The following ST18 variants were observed in gnomAD, a reference collection of about 807,000 sequenced individuals.
ST18 encodes the protein suppression of tumorigenicity 18 protein.
In ST18, 50 loss-of-function variants were observed where a neutral mutation model predicts 110.0. That is an observed-to-expected ratio of 0.45 (90% CI 0.36 to 0.58). ST18 has a LOEUF of 0.58. Among genes scored for constraint, ST18 ranks in the 20% least tolerant of loss-of-function variants. The pLI is 0.00. For synonymous variants in ST18, 461 were observed against 452.4 expected (o/e 1.02, Z -0.24); for missense variants, 1,306 against 1,280.1 (o/e 1.02, Z -0.31).
In ST18 at chr8:52,181,144, G is replaced by A. The variant is rs2069334528; in HGVS notation, c.87-832C>T. On this transcript the variant is annotated intron_variant, in intron 8 of 25. Transcript: ENST00000689386. The stretch of plus-strand genomic sequence containing the variant: ...CTCTTGGCAAGATCCATGAAAATCA[G>A]AGGGTTTGGCCAACTGCGAGTCTAT... 1.3e-5 allele frequency among the ~76,000 whole-genome samples: 2 copies of A among 152,194 alleles called. 1 individual carries two copies. The highest frequency in any genetic ancestry group is 4.1e-4 in the South Asian group (2 of 4,830).
intron 2 of ST18, among the ~76,000 whole-genome samples, chr8:52,361,112 A>G (rs1389024777): frequency 6.6e-6 from 1 of 152,182 alleles, no homozygotes; most frequent in Non-Finnish European, 1.5e-5. Flanking sequence ...GTCTCAAAAT[A>G]TTTCACCGTA....
At chr8:52,378,328 T>C (rs1206131134) in intron 2 of ST18, among the ~76,000 whole-genome samples, 2 of 152,216 alleles carry the variant, frequency 1.3e-5, no homozygotes, top group African/African-American at 2.4e-5. Flanking sequence ...CCATTACCTC[T>C]ATGTCTGTAT....
intron 2 of ST18, chr8:52,407,783 C>G (rs533647927): frequency 1.1e-4 from 16 of 152,248 alleles, no homozygotes; most frequent in African/African-American, 3.9e-4. Context: ...TCGGAGAGTT[C>G]ATTGCTCTGC....
At chr8:52,149,163 C>A (rs1037107283) in intron 16 of ST18, among the ~76,000 whole-genome samples, 5 of 152,174 alleles carry the variant, frequency 3.3e-5, no homozygotes, top group African/African-American at 1.2e-4. Context: ...GCTTTCAGGG[C>A]CAAAACCACC....
chr8:52,159,110 C>T lies in ST18; in HGVS notation c.1595-1G>A. The T allele has an allele frequency of 1.2e-6, 2 of 1,613,266 alleles. No homozygotes were observed. Among genetic ancestry groups the T allele is most frequent in the Non-Finnish European group, 1.7e-6 (2 of 1,179,828 alleles). ...TTCACTGGATTTGGAAAATGCTTTG[C>T]TGTTGAAGAGAGATTTGATTAGCAA... On this transcript the variant is annotated splice_acceptor_variant, in intron 14 of 25. Coordinates refer to ENST00000689386, the MANE Select transcript of ST18 (RefSeq NM_001352837.2). LOFTEE classifies it high-confidence loss of function.
chr8:52,282,081 C>G (rs977350534), intron 2 of ST18, among the ~76,000 whole-genome samples: 25 of 152,150 alleles, frequency 1.6e-4, no homozygotes, highest in Admixed American at 4.6e-4. Context: ...TCTGGAACTT[C>G]TTTTTCCAGA....
At chr8:52,347,970 T>C (rs1336437144) in intron 2 of ST18, among the ~76,000 whole-genome samples, 1 of 152,198 alleles carries the variant, frequency 6.6e-6, no homozygotes, top group Non-Finnish European at 1.5e-5. Flanking sequence ...TATATTTAAA[T>C]ATAGATGTGT....
intron 9 of ST18, among the ~76,000 whole-genome samples, chr8:52,175,737 A>G (rs1171564189): frequency 6.6e-6 from 1 of 152,136 alleles, no homozygotes; most frequent in Non-Finnish European, 1.5e-5. Context: ...CAGAAGGGAA[A>G]CTACAATTCT....
intron 10 of ST18, among the ~76,000 whole-genome samples, chr8:52,171,323 C>CCAGTG (rs1429074782): frequency 6.6e-6 from 1 of 152,162 alleles, no homozygotes; most frequent in Non-Finnish European, 1.5e-5. Flanking sequence ...AGTTAGAAAG[C>CCAGTG]CAGTGAAAGC....
intron 18 of ST18, among the ~76,000 whole-genome samples, chr8:52,136,890 A>C (rs2052621153): frequency 6.6e-6 from 1 of 152,156 alleles, no homozygotes; most frequent in Non-Finnish European, 1.5e-5. Context: ...ACTTTAGCCC[A>C]ATGAGACCCC....
intron 8 of ST18, among the ~76,000 whole-genome samples, chr8:52,205,780 C>A (rs1186010884): frequency 6.6e-6 from 1 of 152,066 alleles, no homozygotes; most frequent in Non-Finnish European, 1.5e-5. Context: ...GTTGGCCAAG[C>A]TGGTCTCAAA....
At chr8:52,192,771 G>A (rs1292280416) in intron 8 of ST18, among the ~76,000 whole-genome samples, 3 of 152,208 alleles carry the variant, frequency 2.0e-5, no homozygotes, top group African/African-American at 7.2e-5. Flanking sequence ...TCTAGGTCCT[G>A]TAGGTCTGAG....
rs115435199 is a variant in ST18, at chr8:52,173,288, C to G, written c.278-705G>C. 9.1e-3 allele frequency among the ~76,000 whole-genome samples: 1,390 copies of G among 152,320 alleles called. 21 individuals are homozygous for G. The highest frequency in any genetic ancestry group is 0.032 in the African/African-American group (1,329 of 41,574). ...TAGTAACACATTTTCTGGTCCATTA[C>G]TTGCATGCACTTGTGTAACAAGGAA... is the stretch of plus-strand genomic sequence containing the variant. On this transcript the variant is annotated intron_variant, in intron 9 of 25. Transcript: ENST00000689386.
chr8:52,115,984 G>A (rs2042394515), intron 25 of ST18, among the ~76,000 whole-genome samples: 1 of 152,070 alleles, frequency 6.6e-6, no homozygotes, highest in South Asian at 2.1e-4. Context: ...CACTGAGGGA[G>A]TTTTGCCCTT....
In ST18 at chr8:52,159,034, C is replaced by G; in HGVS notation, c.1670G>C (p.Arg557Pro). ...TTGACCGTAGCTATAAGAGCTGGCA[C>G]GGCCAGGGCTCTGGGTGTGGGCGCC... Reference protein sequence around the residue: ...SAGAHTQSPGRASSYSYGQCS... With the variant: ...SAGAHTQSPGPASSYSYGQCS... The change falls in exon 15 of 26, where the codon CGT (arginine) becomes CCT (proline). Residue 557 changes from arginine (R) to proline (P), a missense_variant. Coordinates refer to ENST00000689386, the MANE Select transcript of ST18 (RefSeq NM_001352837.2). The G allele has an allele frequency of 6.2e-7, 1 of 1,614,124 alleles. No homozygotes were observed. The highest frequency in any genetic ancestry group is 2.2e-5 in the East Asian group (1 of 44,874).
rs1378153560 is a variant in ST18, at chr8:52,112,046, C to T, written c.*1152G>A. 2 of 152,346 alleles carry T rather than the reference C, an allele frequency of 1.3e-5. No individual in the cohort carries two copies. The highest frequency in any genetic ancestry group is 1.3e-4 in the Admixed American group (2 of 15,234). The allele number at this position is 152,346 out of a possible 1,614,324, so 9.4% of individuals were successfully genotyped here. A position where few individuals can be genotyped will look rare whatever the true frequency, so the allele number is the denominator to read the frequency against. On this transcript the variant is annotated 3_prime_UTR_variant, in exon 26 of 26. Transcript: ENST00000689386. ...CATTTGAAGTTTTGTGGCAAGATTT[C>T]TATCAAATTGAATGTTGTCTTGTTT...
chr8:52,382,906 T>C (rs1835101147), intron 2 of ST18, among the ~76,000 whole-genome samples: 1 of 152,058 alleles, frequency 6.6e-6, no homozygotes, highest in South Asian at 2.1e-4. Context: ...TCTGTGACAG[T>C]AGCCAGCTTC....
At chr8:52,178,521 G>T (rs1259070583) in intron 9 of ST18, among the ~76,000 whole-genome samples, 1 of 147,716 alleles carries the variant, frequency 6.8e-6, no homozygotes, top group Admixed American at 6.9e-5. Context: ...GGAGGCTGAG[G>T]CAGGAGAATT....
chr8:52,327,554 C>T (rs1807066548), intron 2 of ST18, among the ~76,000 whole-genome samples: 4 of 152,224 alleles, frequency 2.6e-5, no homozygotes, highest in Admixed American at 2.6e-4. Flanking sequence ...TTCTCAGCAA[C>T]TTGCTCATTC....
Sources: allele counts gnomAD v4.1 joint callset (sites outside exome capture counted in the v4.1 genomes callset), GRCh38; gene constraint gnomAD v4.1.1; transcripts MANE v1.5; gene names NCBI Gene and HGNC (gene_info 2026-07-23, HGNC 2026-07-21).